TTC28: variants seen among roughly 807,000 people sequenced by gnomAD.
The protein encoded by TTC28 is tetratricopeptide repeat domain 28.
A neutral mutation model predicts 198.0 loss-of-function variants in TTC28; 61 were observed. The ratio of observed to expected loss-of-function variants is 0.31; its 90% CI spans 0.25 to 0.38. TTC28 has a LOEUF of 0.38. Among genes scored for constraint, TTC28 ranks in the 10% least tolerant of loss-of-function variants. The probability of loss-of-function intolerance (pLI) is 1.00; values close to 1 mark genes in which losing one functional copy is unlikely to be tolerated. For synonymous variants in TTC28, 1,171 were observed against 1,297.8 expected (o/e 0.90, Z 2.10); for missense variants, 2,678 against 3,164.0 (o/e 0.85, Z 3.69).
At chr22:28,014,417 C>T (rs1384355312) in intron 13 of TTC28, 25 bp from the exon 14 acceptor site, 1 of 1,535,814 alleles carries the variant, frequency 6.5e-7, no homozygotes, top group East Asian at 2.5e-5. Flanking sequence ...GCCGAGGGAT[C>T]AATCAGGGCC....
intron 2 of TTC28, among the ~76,000 whole-genome samples, chr22:28,404,187 T>G (rs2046963203): frequency 6.6e-6 from 1 of 152,186 alleles, no homozygotes; most frequent in Non-Finnish European, 1.5e-5. Context: ...TGGCACCATC[T>G]CGGCTCATTG....
At chr22:28,161,826 G>C (rs974138683) in intron 6 of TTC28, among the ~76,000 whole-genome samples, 1 of 142,414 alleles carries the variant, frequency 7.0e-6, no homozygotes, top group Non-Finnish European at 1.5e-5. Context: ...GGGAAGGAGG[G>C]AGGGAGGGGA....
intron 5 of TTC28, among the ~76,000 whole-genome samples, chr22:28,206,578 T>C (rs1044437549): frequency 2.0e-5 from 3 of 152,202 alleles, no homozygotes; most frequent in African/African-American, 4.8e-5. Flanking sequence ...ATCTGGTTAA[T>C]ATGTCCCTTG....
chr22:28,625,260 G>A (rs989161118), intron 2 of TTC28, among the ~76,000 whole-genome samples: 2 of 152,064 alleles, frequency 1.3e-5, no homozygotes, highest in Non-Finnish European at 2.9e-5. Context: ...ACAAAAGAAA[G>A]GAAGAAGCAG....
intron 2 of TTC28, among the ~76,000 whole-genome samples, chr22:28,577,937 T>C (rs1046654226): frequency 1.3e-5 from 2 of 152,170 alleles, no homozygotes; most frequent in Admixed American, 6.6e-5. Context: ...TGACTTTTGA[T>C]TGGAGTGCTT....
chr22:28,066,122 A>C (rs993829986), intron 12 of TTC28, among the ~76,000 whole-genome samples: 4 of 151,348 alleles, frequency 2.6e-5, no homozygotes, highest in Admixed American at 6.6e-5. Context: ...AGATATCTCT[A>C]TTTTTTTTTC....
At chr22:28,094,633 G>A (rs1941918105) in intron 11 of TTC28, among the ~76,000 whole-genome samples, 1 of 152,150 alleles carries the variant, frequency 6.6e-6, no homozygotes, top group Non-Finnish European at 1.5e-5. Context: ...AAATCCCAAA[G>A]ACAAATATAA....
intron 2 of TTC28, among the ~76,000 whole-genome samples, chr22:28,583,996 T>G (rs929427880): frequency 4.0e-5 from 6 of 148,692 alleles, no homozygotes; most frequent in African/African-American, 1.3e-4. Flanking sequence ...TTTTTTTTTG[T>G]TTTGTTTTTG....
At chr22:28,150,447 T>G (rs1943579538) in intron 6 of TTC28, among the ~76,000 whole-genome samples, 1 of 152,192 alleles carries the variant, frequency 6.6e-6, no homozygotes, top group Non-Finnish European at 1.5e-5. Context: ...ATGCTCTATA[T>G]TTTCTGCTGT....
intron 13 of TTC28, among the ~76,000 whole-genome samples, chr22:28,015,888 C>T (rs527577428): frequency 1.3e-4 from 20 of 151,534 alleles, no homozygotes; most frequent in Non-Finnish European, 2.8e-4. Flanking sequence ...TAGATTGTTG[C>T]CGAAGAAAAG....
chr22:28,005,442 T>C lies in TTC28; in HGVS notation c.4219-3889A>G, dbSNP rs1169525505. ...TGTTGTCAGTTTACTGCCTCTCAGG[T>C]CCTGAAGCCCTTGTCACTATCCGCT... is the stretch of plus-strand genomic sequence containing the variant. On this transcript the variant is annotated intron_variant, in intron 14 of 22. Coordinates refer to ENST00000397906, the MANE Select transcript of TTC28 (RefSeq NM_001145418.2). The surrounding 1 kb of genome is among the most constrained non-coding windows in gnomAD (Gnocchi z 4.9). 6.6e-6 allele frequency among the ~76,000 whole-genome samples: 1 copy of C among 152,176 alleles called. No homozygotes were observed. Among genetic ancestry groups the C allele is most frequent in the Non-Finnish European group, 1.5e-5 (1 of 68,022 alleles).
At chr22:28,336,617 T>C (rs4638899) in intron 2 of TTC28, among the ~76,000 whole-genome samples, 9,845 of 152,310 alleles carry the variant, frequency 0.065, 407 homozygotes, top group Admixed American at 0.15. Context: ...TTTTCTAGTT[T>C]ATTTGCGTAG....
chr22:28,407,879 C>T (rs536084708), intron 2 of TTC28, among the ~76,000 whole-genome samples: 2 of 152,312 alleles, frequency 1.3e-5, no homozygotes, highest in South Asian at 4.1e-4. Context: ...AAGTATACAA[C>T]TCAAGGAATT....
intron 12 of TTC28, among the ~76,000 whole-genome samples, chr22:28,037,774 G>A (rs1485245596): frequency 6.6e-6 from 1 of 152,124 alleles, no homozygotes; most frequent in East Asian, 1.9e-4. Context: ...AAACCCCATC[G>A]TCTCAGCCCA....
chr22:28,224,514 T>G (rs972897655), intron 5 of TTC28, among the ~76,000 whole-genome samples: 1 of 152,128 alleles, frequency 6.6e-6, no homozygotes. Context: ...TCTCAAGAAT[T>G]TATCATGTCT....
At chr22:28,495,064 A>T (rs1374007883) in intron 2 of TTC28, among the ~76,000 whole-genome samples, 4 of 152,124 alleles carry the variant, frequency 2.6e-5, no homozygotes, top group African/African-American at 7.2e-5. Flanking sequence ...AGAGGTGGAA[A>T]ATGAGAGAGA....
At chr22:28,094,332 G>T in intron 11 of TTC28, 87 bp from the exon 12 acceptor site, 1 of 1,342,550 alleles carries the variant, frequency 7.4e-7, no homozygotes, top group African/African-American at 1.5e-5. Context: ...AATGCCAATG[G>T]TATGTGACTT....
At chr22:27,989,216 C>CT in intron 21 of TTC28, among the ~76,000 whole-genome samples, 1 of 149,962 alleles carries the variant, frequency 6.7e-6, no homozygotes, top group Non-Finnish European at 1.5e-5. Flanking sequence ...CCTGCACTGA[C>CT]TGAGGCCCCT....
chr22:27,998,109 A>T, intron 16 of TTC28: 1 of 203,134 alleles, frequency 4.9e-6, no homozygotes, highest in East Asian at 1.2e-4. Flanking sequence ...TCATCGCACC[A>T]CCATCATCCC....
Sources: gnomAD v4.1 joint callset for allele counts (sites outside exome capture counted in the v4.1 genomes callset) on GRCh38, gnomAD v4.1.1 for gene constraint, Gnocchi (gnomAD v3.1) non-coding constraint, MANE v1.5 for transcripts, NCBI Gene and HGNC (gene_info 2026-07-23, HGNC 2026-07-21) for gene names.